GPR75: variants seen among roughly 807,000 people sequenced by gnomAD.
GPR75 encodes the protein probable G protein-coupled receptor 75.
Under a neutral mutation model 26.0 loss-of-function variants are expected in GPR75, and 27 were observed. That is an observed-to-expected ratio of 1.04 (90% confidence interval 0.77 to 1.43). The LOEUF (loss-of-function observed/expected upper bound fraction) is 1.43, where lower values mean the gene tolerates loss of function less well. Ranked by LOEUF, GPR75 falls within the 40% of genes most tolerant of loss-of-function variation. The pLI is 0.00. For missense variants in GPR75, 699 were observed against 662.3 expected (o/e 1.06, Z -0.61); for synonymous variants, 285 against 256.3 (o/e 1.11, Z -1.07).
intron 1 of GPR75, among the ~76,000 whole-genome samples, chr2:53,857,025 G>C (rs1007501006): frequency 7.5e-6 from 1 of 133,090 alleles, no homozygotes; most frequent in Non-Finnish European, 1.5e-5. Context: ...CTGCAGTGGC[G>C]CAATCTCGGC....
chr2:53,858,486 T>C (rs1346554446), intron 1 of GPR75, among the ~76,000 whole-genome samples: 1 of 150,898 alleles, frequency 6.6e-6, no homozygotes, highest in Non-Finnish European at 1.5e-5. Context: ...AAAGTAATCA[T>C]AAATCACTCC....
rs1369435135 is a variant in GPR75, at chr2:53,853,304, T to C, written c.1453A>G (p.Ile485Val). Reference protein sequence around the residue: ...INTRIEPYYSIYNSSPSQEES... With the variant: ...INTRIEPYYSVYNSSPSQEES... ...TCCTGGGAAGGGCTGCTGTTATAGA[T>C]GCTGTAGTAAGGTTCAATCCGAGTG... The change falls in exon 2 of 2, where the codon ATC becomes GTC. Residue 485 changes from isoleucine to valine, a missense_variant. Ile to Val is a conservative substitution (Grantham distance 29). Coordinates refer to ENST00000394705, the MANE Select transcript of GPR75 (RefSeq NM_006794.4). The C allele has an allele frequency of 6.2e-7, 1 of 1,614,186 alleles. No homozygotes were observed. Among genetic ancestry groups the C allele is most frequent in the Middle Eastern group, 1.6e-4 (1 of 6,062 alleles).
Position 53,859,925 on chromosome 2 carries a change from C to A in GPR75, c.-207G>T. On this transcript the variant is annotated 5_prime_UTR_variant, in exon 1 of 2. Coordinates refer to ENST00000394705, the MANE Select transcript of GPR75 (RefSeq NM_006794.4). ...TGATGCAGGACTAGAGGCATCATCGCCATCGCCACCGCCTCCGCGCATCCC... is the reference window on the plus strand; with the variant it reads ...TGATGCAGGACTAGAGGCATCATCGACATCGCCACCGCCTCCGCGCATCCC... The A allele has an allele frequency of 6.6e-7, 1 of 1,504,258 alleles. No homozygotes were observed. Among genetic ancestry groups the A allele is most frequent in the Non-Finnish European group, 8.8e-7 (1 of 1,131,670 alleles). 93.2% of individuals were successfully genotyped at this position (1,504,258 alleles called of 1,614,324 possible).
chr2:53,857,006 G>A (rs1017816617), intron 1 of GPR75, among the ~76,000 whole-genome samples: 1 of 134,720 alleles, frequency 7.4e-6, no homozygotes, highest in African/African-American at 2.8e-5. Context: ...GCCCAGGCGG[G>A]ACTGCGGACT....
intron 1 of GPR75, among the ~76,000 whole-genome samples, chr2:53,859,086 T>C (rs1318210494): frequency 6.7e-6 from 1 of 150,196 alleles, no homozygotes; most frequent in Non-Finnish European, 1.5e-5. Flanking sequence ...GTTTTAAATT[T>C]TTAGTGAACA....
At position 53,854,552 on chromosome 2, in the gene GPR75, CGAA is replaced by C; in HGVS notation, c.202_204del (p.Phe68del). 1.9e-6 allele frequency: 3 copies of C among 1,613,926 alleles called. No homozygotes were observed. The highest frequency in any genetic ancestry group is 2.5e-6 in the Non-Finnish European group (3 of 1,179,930). On this transcript the variant is annotated inframe_deletion, in exon 2 of 2. Coordinates refer to ENST00000394705, the MANE Select transcript of GPR75 (RefSeq NM_006794.4). ...GTTCTGAATTTCCTGAAGGCTGGAT[CGAA>C]GAAGGACAAGAAGACAATGAAGTTG...
chr2:53,858,437 A>ACACACC (rs1241609252), intron 1 of GPR75, among the ~76,000 whole-genome samples: 3 of 148,586 alleles, frequency 2.0e-5, no homozygotes, highest in African/African-American at 7.5e-5. Flanking sequence ...ACACACACAC[A>ACACACC]CACACATTCT....
At chr2:53,859,771 G>A (rs570654028) in intron 1 of GPR75, 57 bp downstream of exon 1, 4 of 1,367,012 alleles carry the variant, frequency 2.9e-6, no homozygotes, top group Non-Finnish European at 2.0e-6. Flanking sequence ...GCCAGCCTCC[G>A]GGAGCCGTCT....
rs1233075681 is a variant in GPR75 at position 53,853,014 on chromosome 2, C to G, written c.*120G>C. 3 of 687,978 alleles carry G rather than the reference C, an allele frequency of 4.4e-6. No individual in the cohort carries two copies. Among genetic ancestry groups the G allele is most frequent in the Non-Finnish European group, 7.3e-6 (3 of 413,024 alleles). 42.6% of individuals were successfully genotyped at this position (687,978 alleles called of 1,614,324 possible). On this transcript the variant is annotated 3_prime_UTR_variant, in exon 2 of 2. Coordinates refer to ENST00000394705, the MANE Select transcript of GPR75 (RefSeq NM_006794.4). ...CACATCAGATGAAAGAAAACCATAA[C>G]TGCCAACTTTTCAGTTGAATCTTGT...
Position 53,854,578 on chromosome 2 carries a change from T to C in GPR75, c.179A>G (p.Asn60Ser). The change falls in exon 2 of 2, where the codon AAC (asparagine) becomes AGC (serine). Residue 60 changes from asparagine (N) to serine (S), a missense_variant. By Grantham distance (46) the Asn-to-Ser change is conservative (BLOSUM62 1). Coordinates refer to ENST00000394705, the MANE Select transcript of GPR75 (RefSeq NM_006794.4). ...GAAGAAGGACAAGAAGACAATGAAG[T>C]TGCCATAGGAACCCAGGCAGAAGAT... The part of the protein sequence containing the change: ...AVIFCLGSYG[N>S]FIVFLSFFDP... The C allele has an allele frequency of 1.2e-6, 2 of 1,613,954 alleles. No homozygotes were observed.
chr2:53,854,416 G>A lies in GPR75; in HGVS notation c.341C>T (p.Pro114Leu), dbSNP rs144824328. The A allele has an allele frequency of 5.6e-6, 9 of 1,613,940 alleles. No individual in the cohort carries two copies. The African/African-American group carries it at 9.3e-5, about 17-fold the overall frequency. The change falls in exon 2 of 2, where the codon CCG (proline) becomes CTG (leucine). Residue 114 changes from proline to leucine, a missense_variant. Coordinates refer to ENST00000394705, the MANE Select transcript of GPR75 (RefSeq NM_006794.4). ...VLFFSSASSI[P>L]DAFCFTFHLT... ...ATGGAAAGTGAAGCAGAAAGCATCCGGGATACTACTGGCTGAGCTGAAGAA... is the reference window on the plus strand; with the variant it reads ...ATGGAAAGTGAAGCAGAAAGCATCCAGGATACTACTGGCTGAGCTGAAGAA...
At chr2:53,856,249 C>A (rs949656917) in intron 1 of GPR75, among the ~76,000 whole-genome samples, 1 of 152,116 alleles carries the variant, frequency 6.6e-6, no homozygotes, top group Non-Finnish European at 1.5e-5. Context: ...CACAAATCTA[C>A]ATTGTCCCAA....
At chr2:53,856,597 C>A (rs1211555631) in intron 1 of GPR75, among the ~76,000 whole-genome samples, 3 of 152,232 alleles carry the variant, frequency 2.0e-5, no homozygotes, top group Non-Finnish European at 4.4e-5. Context: ...AGTCTCTCCA[C>A]ATTTAACAAC....
chr2:53,853,492 G>T lies in GPR75; in HGVS notation c.1265C>A (p.Ser422Tyr). The stretch of plus-strand genomic sequence containing the variant: ...GGCAGAGTTTGTTTCATGATGGGAG[G>T]ATTTGTTTCTGTTGACTTCGAGGTT... Reference protein sequence around the residue: ...KGNLEVNRNKSSHHETNSAYM... With the variant: ...KGNLEVNRNKYSHHETNSAYM... Residue 422 changes from serine (S) to tyrosine (Y), a missense_variant, in exon 2 of 2, where the codon TCC becomes TAC. Ser to Tyr is a moderately radical substitution (Grantham distance 144, BLOSUM62 -2). Transcript: ENST00000394705. 6.2e-7 allele frequency: 1 copy of T among 1,614,040 alleles called. No individual in the cohort carries two copies. Among genetic ancestry groups the T allele is most frequent in the South Asian group, 1.1e-5 (1 of 91,062 alleles).
In GPR75 at chr2:53,854,697, G is replaced by C; in HGVS notation, c.60C>G (p.His20Gln). 1 of 1,614,112 alleles carries C rather than the reference G, an allele frequency of 6.2e-7. No homozygotes were observed. The highest frequency in any genetic ancestry group is 8.5e-7 in the Non-Finnish European group (1 of 1,179,968). ...APNATSLHVP[H>Q]SQEGNSTSLQ... is the part of the protein sequence containing the mutation. Reference sequence around the variant, plus strand: ...GAGAGGTGCTGTTTCCTTCCTGTGAGTGAGGCACATGGAGCGAGGTGGCAT... The same window carrying C: ...GAGAGGTGCTGTTTCCTTCCTGTGACTGAGGCACATGGAGCGAGGTGGCAT... The change falls in exon 2 of 2, where the codon CAC becomes CAG. Residue 20 changes from histidine to glutamine, a missense_variant. Physicochemically the swap from His to Gln is conservative, Grantham distance 24. Coordinates refer to ENST00000394705, the MANE Select transcript of GPR75 (RefSeq NM_006794.4).
At chr2:53,855,125 CT>C (rs1236512744) in intron 1 of GPR75, among the ~76,000 whole-genome samples, 1 of 151,820 alleles carries the variant, frequency 6.6e-6, no homozygotes, top group African/African-American at 2.4e-5. Flanking sequence ...CCAGCTCTCT[CT>C]CTCTCTTTTT....
At position 53,854,486 on chromosome 2, in the gene GPR75, G is replaced by T; in HGVS notation, c.271C>A (p.Leu91Ile). ...FMILNLSFCD[L>I]FICGVTAPMF... ...GGGGCTGTCACTCCACAAATGAAGA[G>T]GTCACAGAAGGACAGGTTCAGGATC... Residue 91 changes from leucine (L) to isoleucine (I), a missense_variant, in exon 2 of 2, where the codon CTC becomes ATC. By Grantham distance (5) the Leu-to-Ile change is conservative (BLOSUM62 2). Transcript: ENST00000394705. 1 of 1,614,086 alleles carries T rather than the reference G, an allele frequency of 6.2e-7. No homozygotes were observed. The highest frequency in any genetic ancestry group is 1.1e-5 in the South Asian group (1 of 91,076).
At chr2:53,859,775 G>T in intron 1 of GPR75, 53 bp downstream of exon 1, 1 of 1,389,570 alleles carries the variant, frequency 7.2e-7, no homozygotes, top group Non-Finnish European at 9.7e-7. Context: ...GCCTCCGGGA[G>T]CCGTCTCCGG....
Position 53,854,956 on chromosome 2 carries a change from A to G in GPR75, c.-109-91T>C, listed in dbSNP as rs540038510. On this transcript the variant is annotated intron_variant, in intron 1 of 1. Transcript: ENST00000394705. ...CAGTGATCTCATTATTAGTAGTAGT[A>G]TTAGTACTAGTATCTCTCACCTTGA... 2.3e-5 allele frequency: 13 copies of G among 572,674 alleles called. No individual in the cohort carries two copies. The East Asian group carries it at 3.7e-4, about 16-fold the overall frequency. The allele number at this position is 572,674 out of a possible 1,614,324, so 35.5% of individuals were successfully genotyped here.
Sources: allele counts gnomAD v4.1 joint callset (sites outside exome capture counted in the v4.1 genomes callset), GRCh38; gene constraint gnomAD v4.1.1; transcripts MANE v1.5; gene names NCBI Gene and HGNC (gene_info 2026-07-23, HGNC 2026-07-21).